Variants in KIAA2012 observed in about 807,000 individuals in gnomAD.
The protein encoded by KIAA2012 is KIAA2012, also known as uncharacterized protein KIAA2012.
In KIAA2012, 125 loss-of-function variants were observed where a neutral mutation model predicts 150.6. The observed-to-expected ratio is 0.83, with a 90% CI of 0.72 to 0.96. KIAA2012 has a LOEUF of 0.96. Among genes scored for constraint, KIAA2012 ranks in the 40% least tolerant of loss-of-function variants. The probability of loss-of-function intolerance (pLI) is 0.00; values close to 1 mark genes in which losing one functional copy is unlikely to be tolerated. For synonymous variants in KIAA2012, 462 were observed against 504.7 expected (o/e 0.92, Z 1.13); for missense variants, 1,219 against 1,354.9 (o/e 0.90, Z 1.57).
At position 202,103,054 on chromosome 2, in the gene KIAA2012, T is replaced by C. The variant is rs1690090172; in HGVS notation, c.1264T>C (p.Leu422=). The change falls in exon 8 of 24, where the codon TTA becomes CTA. Residue 422 remains leucine (L), a synonymous_variant. Coordinates refer to ENST00000498697, the MANE Select transcript of KIAA2012 (RefSeq NM_001277372.4). Reference sequence around the variant, plus strand: ...TGAGCCCCCAACAGAGCTCTTCATCTTACCGGTGGAGATTCATTACCACAC... The same window carrying C: ...TGAGCCCCCAACAGAGCTCTTCATCCTACCGGTGGAGATTCATTACCACAC... ...ANEPPTELFI[L]PVEIHYHTKQ... is the part of the protein sequence containing the mutation. The C allele has an allele frequency of 6.4e-7, 1 of 1,550,432 alleles. No homozygotes were observed.
chr2:202,184,161 G>A (rs1010289006), intron 15 of KIAA2012, among the ~76,000 whole-genome samples: 7 of 152,074 alleles, frequency 4.6e-5, no homozygotes, highest in African/African-American at 1.7e-4. Context: ...CAAGGTGGGT[G>A]GATCACGAGG....
In KIAA2012 at chr2:202,107,070, C is replaced by T. The variant is rs575622128; in HGVS notation, c.1474+1160C>T. Among the ~76,000 whole-genome samples, 10 of 152,198 alleles carry T rather than the reference C, an allele frequency of 6.6e-5. No homozygotes were observed. In the South Asian group the frequency reaches 1.7e-3, roughly 25 times the overall value. On this transcript the variant is annotated intron_variant, in intron 9 of 23. Coordinates refer to ENST00000498697, the MANE Select transcript of KIAA2012 (RefSeq NM_001277372.4). ...TCTCCTCCTTTTACAGATCAGAGAACGGAAGCCCTGAGAGATAGGTAGTAT... is the reference window on the plus strand; with the variant it reads ...TCTCCTCCTTTTACAGATCAGAGAATGGAAGCCCTGAGAGATAGGTAGTAT...
intron 12 of KIAA2012, chr2:202,125,730 C>T (rs560002494): frequency 7.8e-6 from 3 of 386,350 alleles, no homozygotes; most frequent in East Asian, 8.0e-5. Flanking sequence ...GCCAGGTCTG[C>T]CTCTCCTCAG....
Position 202,202,539 on chromosome 2 carries a change from TCCAGTTC to T in KIAA2012, c.3520_3526del (p.Gln1174TyrfsTer47). On this transcript the variant is annotated frameshift_variant, in exon 23 of 24. Coordinates refer to ENST00000498697, the MANE Select transcript of KIAA2012 (RefSeq NM_001277372.4). LOFTEE classifies it high-confidence loss of function. ...TCCAGACCATGGGTTTACTCTTATT[TCCAGTTC>T]CTACAAATACCCAGGCCTTAAGGCT... 5.0e-6 allele frequency: 2 copies of T among 398,864 alleles called. No homozygotes were observed. The highest frequency in any genetic ancestry group is 2.1e-5 in the African/African-American group (1 of 48,604). 24.7% of individuals were successfully genotyped at this position (398,864 alleles called of 1,614,324 possible).
At chr2:202,152,051 C>G (rs979704040) in intron 13 of KIAA2012, among the ~76,000 whole-genome samples, 7 of 152,162 alleles carry the variant, frequency 4.6e-5, no homozygotes, top group African/African-American at 1.7e-4. Flanking sequence ...GGATATGAGC[C>G]ACTGCACCGG....
At chr2:202,108,563 A>G (rs1482469232) in intron 9 of KIAA2012, among the ~76,000 whole-genome samples, 1 of 152,186 alleles carries the variant, frequency 6.6e-6, no homozygotes, top group Non-Finnish European at 1.5e-5. Flanking sequence ...TTTGAAGAAG[A>G]TGGGCCAGTT....
At chr2:202,147,159 C>G (rs932368815) in intron 13 of KIAA2012, among the ~76,000 whole-genome samples, 1 of 152,222 alleles carries the variant, frequency 6.6e-6, no homozygotes, top group East Asian at 1.9e-4. Flanking sequence ...AATTGTTCCT[C>G]CCTTTCCCAT....
At chr2:202,194,401 T>C in intron 21 of KIAA2012, 39 bp downstream of exon 21, 4 of 1,545,960 alleles carry the variant, frequency 2.6e-6, no homozygotes, top group Non-Finnish European at 3.5e-6. Flanking sequence ...TCTCTTCTAC[T>C]TGGGGCAGAA....
At chr2:202,199,062 G>A (rs1041493486) in intron 22 of KIAA2012, among the ~76,000 whole-genome samples, 6 of 152,126 alleles carry the variant, frequency 3.9e-5, no homozygotes, top group Non-Finnish European at 5.9e-5. Flanking sequence ...CTTTCCACAC[G>A]AGAAGAAAAC....
chr2:202,083,211 A>T (rs1413952865), intron 2 of KIAA2012, among the ~76,000 whole-genome samples: 1 of 152,246 alleles, frequency 6.6e-6, no homozygotes, highest in Non-Finnish European at 1.5e-5. Flanking sequence ...CACCAAAGAT[A>T]GATAGGAGAG....
intron 2 of KIAA2012, 108 bp downstream of exon 2, chr2:202,075,283 T>G: frequency 8.1e-7 from 1 of 1,228,256 alleles, no homozygotes; most frequent in Non-Finnish European, 1.1e-6. Flanking sequence ...TATGAAACTC[T>G]CAGAACTCTA....
chr2:202,192,750 G>A (rs571428642), intron 19 of KIAA2012, among the ~76,000 whole-genome samples: 46 of 152,098 alleles, frequency 3.0e-4, no homozygotes, highest in Non-Finnish European at 4.4e-4. Flanking sequence ...AGCCATGCCC[G>A]GCCCCTTGTT....
chr2:202,196,961 G>A lies in KIAA2012; in HGVS notation c.3349G>A (p.Glu1117Lys), dbSNP rs779936801. Residue 1117 changes from glutamate (E) to lysine (K), a missense_variant, in exon 22 of 24, where the codon GAG becomes AAG. Coordinates refer to ENST00000498697, the MANE Select transcript of KIAA2012 (RefSeq NM_001277372.4). ...LEAEERRQKE[E>K]EAARLALEEA... ...GGCAGAGGAGAGGAGGCAAAAAGAA[G>A]AGGAAGCAGCAAGACTGGCTCTGGA... 1.9e-6 allele frequency: 3 copies of A among 1,550,592 alleles called. No homozygotes were observed. Among genetic ancestry groups the A allele is most frequent in the South Asian group, 2.4e-5 (2 of 84,066 alleles).
At chr2:202,192,482 A>C (rs1013642486) in intron 19 of KIAA2012, among the ~76,000 whole-genome samples, 1 of 101,062 alleles carries the variant, frequency 9.9e-6, no homozygotes, top group Admixed American at 1.2e-4. Context: ...TTTTAGAGGG[A>C]GCTTCACTCT....
At chr2:202,150,990 A>G (rs1207426738) in intron 13 of KIAA2012, among the ~76,000 whole-genome samples, 3 of 152,174 alleles carry the variant, frequency 2.0e-5, no homozygotes, top group African/African-American at 4.8e-5. Context: ...CACTCAGAAA[A>G]CAGAGGGGTG....
intron 23 of KIAA2012, among the ~76,000 whole-genome samples, chr2:202,202,916 G>A (rs536421367): frequency 1.3e-5 from 2 of 150,004 alleles, no homozygotes; most frequent in East Asian, 3.9e-4. Context: ...GACAGAGTGG[G>A]ACCCTGTCTC....
chr2:202,194,373 T>C lies in KIAA2012; in HGVS notation c.3187+11T>C, dbSNP rs1559234750. 6.5e-7 allele frequency: 1 copy of C among 1,549,126 alleles called. No individual in the cohort carries two copies. The highest frequency in any genetic ancestry group is 1.2e-5 in the South Asian group (1 of 83,982). ...AAGCCGAGAGGGCCGGTGAGGGGGT[T>C]CTTGAGCTCTTTGCATCTCTCTTCT... On this transcript the variant is annotated intron_variant, in intron 21 of 23. Coordinates refer to ENST00000498697, the MANE Select transcript of KIAA2012 (RefSeq NM_001277372.4).
intron 1 of KIAA2012, 28 bp from the exon 2 acceptor site, chr2:202,074,863 C>T: frequency 6.6e-7 from 1 of 1,521,436 alleles, no homozygotes. Context: ...CACAGTGGCT[C>T]CGTCAAAGTG....
chr2:202,114,906 G>A, intron 11 of KIAA2012: 1 of 167,470 alleles, frequency 6.0e-6, no homozygotes, highest in Non-Finnish European at 1.5e-5. Flanking sequence ...ATGAATGAAT[G>A]AATGAATGAG....
Sources: gnomAD v4.1 joint callset for allele counts (sites outside exome capture counted in the v4.1 genomes callset) on GRCh38, gnomAD v4.1.1 for gene constraint, MANE v1.5 for transcripts, NCBI Gene and HGNC (gene_info 2026-07-23, HGNC 2026-07-21) for gene names.